Variants in PIGN observed in about 807,000 individuals in gnomAD.
The protein encoded by PIGN is phosphatidylinositol glycan anchor biosynthesis class N.
In PIGN, 117 loss-of-function variants were observed where a neutral mutation model predicts 125.4. The observed-to-expected ratio is 0.93, with a 90% CI of 0.80 to 1.09. The LOEUF (loss-of-function observed/expected upper bound fraction) is 1.09. PIGN is among the 50% of genes least tolerant of loss of function. The pLI is 0.00. For missense variants in PIGN, 1,075 were observed against 1,094.9 expected (o/e 0.98, Z 0.26); for synonymous variants, 392 against 377.8 (o/e 1.04, Z -0.44).
intron 23 of PIGN, among the ~76,000 whole-genome samples, chr18:62,024,347 C>A (rs4940543): frequency 1.3e-5 from 2 of 152,006 alleles, no homozygotes; most frequent in South Asian, 2.1e-4. Flanking sequence ...GAAAGAGACA[C>A]GGTGCACAGT....
chr18:62,072,101 A>G (rs2032913481), intron 30 of PIGN, among the ~76,000 whole-genome samples: 1 of 149,320 alleles, frequency 6.7e-6, no homozygotes, highest in Non-Finnish European at 1.5e-5. Flanking sequence ...AGTTTTTATC[A>G]AAAAAGTTTA....
At position 62,112,029 on chromosome 18, in the gene PIGN, C is replaced by T. The variant is rs144492985; in HGVS notation, c.1434+1105G>A. Among the ~76,000 whole-genome samples the T allele has an allele frequency of 3.1e-3, 468 of 152,268 alleles. 1 individual carries two copies. Among genetic ancestry groups the T allele is most frequent in the African/African-American group, 0.011 (442 of 41,564 alleles). On this transcript the variant is annotated intron_variant, in intron 16 of 30. Coordinates refer to ENST00000640252, the MANE Select transcript of PIGN (RefSeq NM_176787.5). Reference sequence around the variant, plus strand: ...GACTGCTCTGGATTAAAGTCTCAGTCCCTCACATGCTATCTGAGTGGCCTT... The same window carrying T: ...GACTGCTCTGGATTAAAGTCTCAGTTCCTCACATGCTATCTGAGTGGCCTT...
At chr18:62,163,312 T>C (rs963520761) in intron 2 of PIGN, among the ~76,000 whole-genome samples, 6 of 152,176 alleles carry the variant, frequency 3.9e-5, no homozygotes, top group Non-Finnish European at 5.9e-5. Flanking sequence ...CCTGACCCAG[T>C]TGTATTTTCC....
chr18:62,110,972 G>T (rs2034856225), intron 16 of PIGN, among the ~76,000 whole-genome samples: 5 of 150,394 alleles, frequency 3.3e-5, no homozygotes, highest in Admixed American at 3.3e-4. Context: ...AAATGCTGTA[G>T]TCCAGCATTT....
At chr18:62,154,302 C>T (rs560498412) in intron 7 of PIGN, 9 of 479,268 alleles carry the variant, frequency 1.9e-5, no homozygotes, top group African/African-American at 6.1e-5. Flanking sequence ...AAACTAGAAA[C>T]GAAAAACAGG....
At chr18:62,086,736 G>C (rs2033726300) in intron 25 of PIGN, among the ~76,000 whole-genome samples, 1 of 152,026 alleles carries the variant, frequency 6.6e-6, no homozygotes, top group South Asian at 2.1e-4. Flanking sequence ...TTCAGATAAG[G>C]GAGACAAATA....
chr18:62,029,709 G>C (rs2030168117), intron 23 of PIGN, among the ~76,000 whole-genome samples: 1 of 152,200 alleles, frequency 6.6e-6, no homozygotes, highest in African/African-American at 2.4e-5. Flanking sequence ...TAGGAACAGA[G>C]AGAGCAGAAC....
chr18:62,148,128 A>G, intron 8 of PIGN, 86 bp downstream of exon 8: 2 of 1,055,868 alleles, frequency 1.9e-6, no homozygotes, highest in South Asian at 1.7e-5. Flanking sequence ...CTCTGTTGTT[A>G]TAATTCCAAA....
chr18:62,112,564 A>AT (rs1276129534), intron 16 of PIGN: 1 of 152,102 alleles, frequency 6.6e-6, no homozygotes, highest in African/African-American at 2.4e-5. Context: ...TTTAATTTTT[A>AT]TTTTTTCACT....
intron 22 of PIGN, among the ~76,000 whole-genome samples, chr18:62,097,544 T>C (rs971988986): frequency 1.3e-5 from 2 of 151,480 alleles, no homozygotes; most frequent in African/African-American, 4.9e-5. Context: ...GAACTAGAAA[T>C]ACCATTTGAC....
chr18:62,158,854 G>A (rs961453092), intron 4 of PIGN, among the ~76,000 whole-genome samples: 1 of 152,150 alleles, frequency 6.6e-6, no homozygotes, highest in African/African-American at 2.4e-5. Flanking sequence ...ATGAAAACTG[G>A]ACTTAAACAG....
At chr18:62,026,390 C>T (rs2030118719) in intron 23 of PIGN, among the ~76,000 whole-genome samples, 1 of 152,024 alleles carries the variant, frequency 6.6e-6, no homozygotes, top group South Asian at 2.1e-4. Flanking sequence ...TAAAGAGTGA[C>T]ATACATTTAA....
intron 14 of PIGN, among the ~76,000 whole-genome samples, chr18:62,120,253 T>C (rs1568197046): frequency 6.6e-6 from 1 of 152,130 alleles, no homozygotes; most frequent in African/African-American, 2.4e-5. Context: ...CAAATGACAT[T>C]AAAACAGTTG....
chr18:62,175,531 G>T (rs1173670674), intron 1 of PIGN, among the ~76,000 whole-genome samples: 4 of 152,012 alleles, frequency 2.6e-5, no homozygotes, highest in Non-Finnish European at 5.9e-5. Flanking sequence ...TGTTCCAAGA[G>T]TAATATCCTG....
In PIGN at chr18:62,060,833, AT is replaced by A. The variant is rs796112002; in HGVS notation, c.2672+11839del. 9.7e-4 allele frequency among the ~76,000 whole-genome samples: 147 copies of A among 152,272 alleles called. 1 individual carries two copies. Among genetic ancestry groups the A allele is most frequent in the African/African-American group, 3.4e-3 (143 of 41,568 alleles). The stretch of plus-strand genomic sequence containing the variant: ...TAGTTATGAAAATTACCTCAAAGGA[AT>A]TTTTTTCTCTAGTTTTAAAAATGTA... On this transcript the variant is annotated intron_variant, in intron 30 of 30. Coordinates refer to ENST00000640252, the MANE Select transcript of PIGN (RefSeq NM_176787.5).
intron 12 of PIGN, 85 bp downstream of exon 12, chr18:62,140,335 T>C (rs2036086661): frequency 1.6e-6 from 1 of 627,374 alleles, no homozygotes; most frequent in Non-Finnish European, 2.7e-6. Context: ...CCCAGATTAT[T>C]CAGAAACACA....
intron 26 of PIGN, 34 bp downstream of exon 26, chr18:62,085,175 G>T: frequency 8.4e-7 from 1 of 1,192,818 alleles, no homozygotes; most frequent in Non-Finnish European, 1.2e-6. Context: ...TTATTTTTTA[G>T]TTATATATAT....
At chr18:62,069,590 G>A (rs1434518017) in intron 30 of PIGN, 1 of 152,202 alleles carries the variant, frequency 6.6e-6, no homozygotes, top group African/African-American at 2.4e-5. Flanking sequence ...TAAGTCAGTT[G>A]CAAGAAAGAC....
intron 14 of PIGN, among the ~76,000 whole-genome samples, chr18:62,122,597 A>T (rs1222257283): frequency 6.6e-6 from 1 of 152,172 alleles, no homozygotes; most frequent in African/African-American, 2.4e-5. Context: ...GAAAGGATGA[A>T]GGAACTACAT....
Sources: allele counts gnomAD v4.1 joint callset (sites outside exome capture counted in the v4.1 genomes callset), GRCh38; gene constraint gnomAD v4.1.1; transcripts MANE v1.5; gene names NCBI Gene and HGNC (gene_info 2026-07-23, HGNC 2026-07-21).